Variants in PDE1C observed in about 807,000 individuals in gnomAD.
PDE1C encodes the protein phosphodiesterase 1C, also known as dual specificity calcium/calmodulin-dependent 3',5'-cyclic nucleotide phosphodiesterase 1C.
A neutral mutation model predicts 93.1 loss-of-function variants in PDE1C; 62 were observed. That is an observed-to-expected ratio of 0.67 (90% CI 0.54 to 0.82). PDE1C has a LOEUF of 0.82. PDE1C is among the 40% of genes least tolerant of loss of function. The probability of loss-of-function intolerance (pLI) is 0.00; values close to 1 mark genes in which losing one functional copy is unlikely to be tolerated. For synonymous variants in PDE1C, 325 were observed against 310.1 expected (o/e 1.05, Z -0.50); for missense variants, 742 against 884.6 (o/e 0.84, Z 2.04).
intron 2 of PDE1C, among the ~76,000 whole-genome samples, chr7:32,025,680 G>A (rs79299150): frequency 0.015 from 2,274 of 152,224 alleles, 25 homozygotes; most frequent in Middle Eastern, 0.034. Flanking sequence ...AGCAGGGAGA[G>A]GATGTTAAGA....
At chr7:31,776,702 CATTTA>C (rs1247857897) in intron 16 of PDE1C, among the ~76,000 whole-genome samples, 1 of 151,822 alleles carries the variant, frequency 6.6e-6, no homozygotes, top group African/African-American at 2.4e-5. Flanking sequence ...TTCATTCATT[CATTTA>C]TTTTGTCATC....
At chr7:32,224,544 G>A (rs903140908) in intron 1 of PDE1C, among the ~76,000 whole-genome samples, 2 of 152,152 alleles carry the variant, frequency 1.3e-5, no homozygotes, top group African/African-American at 2.4e-5. Context: ...CACTTACAAC[G>A]GTCTTGGCAC....
chr7:31,976,106 C>T (rs1811627995), intron 2 of PDE1C, among the ~76,000 whole-genome samples: 1 of 152,152 alleles, frequency 6.6e-6, no homozygotes, highest in Non-Finnish European at 1.5e-5. Flanking sequence ...CAACTATAGA[C>T]AGTTTTCTTA....
intron 2 of PDE1C, among the ~76,000 whole-genome samples, chr7:32,051,040 T>G (rs1370410924): frequency 6.6e-6 from 1 of 152,186 alleles, no homozygotes; most frequent in East Asian, 1.9e-4. Flanking sequence ...ACATGAGGGA[T>G]GATGACAGAT....
intron 1 of PDE1C, among the ~76,000 whole-genome samples, chr7:32,065,534 T>C (rs1361570093): frequency 6.6e-6 from 1 of 152,198 alleles, no homozygotes; most frequent in East Asian, 1.9e-4. Flanking sequence ...CATATCAGTC[T>C]CTGCCACTAG....
chr7:31,767,726 G>C (rs549472169), intron 17 of PDE1C, among the ~76,000 whole-genome samples: 1 of 152,288 alleles, frequency 6.6e-6, no homozygotes, highest in South Asian at 2.1e-4. Context: ...AGTTCTAGAG[G>C]CTGGAAGTCC....
At chr7:31,671,291 T>C in the PDE1C span, among the ~76,000 whole-genome samples, 1 of 152,138 alleles carries the variant, frequency 6.6e-6, no homozygotes, top group Non-Finnish European at 1.5e-5. Flanking sequence ...GGGGCCAGCA[T>C]GGATTCGTTC....
At chr7:32,075,983 A>G (rs1584709405), upstream of PDE1C, among the ~76,000 whole-genome samples, 1 of 152,102 alleles carries the variant, frequency 6.6e-6, no homozygotes, top group African/African-American at 2.4e-5. Context: ...TCCCTTTCCA[A>G]TGCTCACATA....
chr7:32,373,114 T>C (rs1784361247), intron 1 of PDE1C, among the ~76,000 whole-genome samples: 1 of 152,206 alleles, frequency 6.6e-6, no homozygotes, highest in African/African-American at 2.4e-5. Context: ...TCTAAGTGTA[T>C]ACCCAAGGCA....
chr7:31,855,792 G>GAA (rs763753026), intron 7 of PDE1C, among the ~76,000 whole-genome samples: 19 of 116,848 alleles, frequency 1.6e-4, no homozygotes, highest in African/African-American at 4.3e-4. Context: ...CTCCTTTCTG[G>GAA]AAAAAAAAAA....
intron 1 of PDE1C, among the ~76,000 whole-genome samples, chr7:32,260,317 G>A (rs752530280): frequency 6.6e-6 from 1 of 152,186 alleles, no homozygotes; most frequent in Non-Finnish European, 1.5e-5. Context: ...CTGTGACCCT[G>A]GAAACCTTAT....
At chr7:31,833,934 A>AG (rs1462248537) in intron 11 of PDE1C, among the ~76,000 whole-genome samples, 1 of 152,228 alleles carries the variant, frequency 6.6e-6, no homozygotes, top group Non-Finnish European at 1.5e-5. Flanking sequence ...CAAGAGGCCT[A>AG]GGAGGAAAAG....
chr7:32,286,259 T>G (rs1811994497), intron 1 of PDE1C, among the ~76,000 whole-genome samples: 1 of 152,146 alleles, frequency 6.6e-6, no homozygotes, highest in African/African-American at 2.4e-5. Context: ...GTCCCACAGG[T>G]GTAAGAAGGG....
chr7:32,307,777 C>T lies in PDE1C; in HGVS notation c.311-98238G>A, dbSNP rs534379935. ...AGCCAAGATGGCCGAATAGGAACAG[C>T]TCCAGTCTACAACTCCCAGCATAAG... On this transcript the variant is annotated intron_variant, in intron 1 of 1. Coordinates refer to the PDE1C transcript ENST00000672256. Among the ~76,000 whole-genome samples, 6 of 152,342 alleles carry T rather than the reference C, an allele frequency of 3.9e-5. No homozygotes were observed. In the East Asian group the frequency reaches 1.2e-3, roughly 29 times the overall value.
the PDE1C span, among the ~76,000 whole-genome samples, chr7:31,705,129 G>A: frequency 2.0e-5 from 3 of 152,144 alleles, no homozygotes; most frequent in Admixed American, 2.0e-4. Flanking sequence ...CTTGTGGACA[G>A]CCCAGCCTAC....
At chr7:31,935,149 G>A (rs533966859) in intron 2 of PDE1C, among the ~76,000 whole-genome samples, 409 of 152,242 alleles carry the variant, frequency 2.7e-3, no homozygotes, top group Non-Finnish European at 4.1e-3. Flanking sequence ...TGATACAGGG[G>A]TCTATCCATT....
the PDE1C span, among the ~76,000 whole-genome samples, chr7:31,718,345 G>C: frequency 2.0e-5 from 3 of 152,040 alleles, no homozygotes; most frequent in Non-Finnish European, 4.4e-5. Context: ...AGGATGCATG[G>C]ATAGCAGATT....
chr7:31,773,158 C>T (rs1053175510), intron 17 of PDE1C, among the ~76,000 whole-genome samples: 2 of 152,212 alleles, frequency 1.3e-5, no homozygotes, highest in Non-Finnish European at 2.9e-5. Context: ...TTAATTATGT[C>T]TGGTGTTTTG....
chr7:32,214,564 G>A (rs147005075), intron 1 of PDE1C, among the ~76,000 whole-genome samples: 12 of 152,274 alleles, frequency 7.9e-5, no homozygotes, highest in South Asian at 4.1e-4. Context: ...GTGCAACTCC[G>A]TACATCTTTA....
Sources: allele counts gnomAD v4.1 joint callset (sites outside exome capture counted in the v4.1 genomes callset), GRCh38; gene constraint gnomAD v4.1.1; transcripts MANE v1.5; gene names NCBI Gene and HGNC (gene_info 2026-07-23, HGNC 2026-07-21).